BORCS5: variants seen among roughly 807,000 people sequenced by gnomAD.
The protein encoded by BORCS5 is BLOC-1-related complex subunit 5.
BORCS5 carries 17 observed loss-of-function variants against 22.1 expected under a neutral mutation model. That is an observed-to-expected ratio of 0.77 (90% CI 0.53 to 1.15). The LOEUF (loss-of-function observed/expected upper bound fraction) is 1.15. Among genes scored for constraint, BORCS5 ranks in the 50% most tolerant of loss-of-function variants. The pLI is 0.00. For synonymous variants in BORCS5, 117 were observed against 99.8 expected, an observed-to-expected ratio of 1.17 and a Z score of -1.03; for missense variants, 247 against 253.2, an observed-to-expected ratio of 0.98 and a Z score of 0.17.
In BORCS5 at chr12:12,385,752, C is replaced by T. The variant is rs140451452; in HGVS notation, c.202+24403C>T. On this transcript the variant is annotated intron_variant, in intron 2 of 3. Coordinates refer to ENST00000314565, the MANE Select transcript of BORCS5 (RefSeq NM_058169.6). ...CTCAAACTCCTGACCTCGTGATCCG[C>T]CTGCCTCGGCCTCCCCAAGTGTTGG... Among the ~76,000 whole-genome samples the T allele has an allele frequency of 5.9e-3, 892 of 151,376 alleles. 32 individuals are homozygous for T. The highest frequency in any genetic ancestry group is 0.019 in the African/African-American group (801 of 41,296).
Position 12,357,178 on chromosome 12 carries a change from G to A in BORCS5, c.-274G>A. ...TGCGGCAAAGCCAGTGTCATCTGCC[G>A]GTTCTCTTAGGGCTCCCGGAAAGAA... On this transcript the variant is annotated 5_prime_UTR_variant, in exon 1 of 4. Coordinates refer to ENST00000314565, the MANE Select transcript of BORCS5 (RefSeq NM_058169.6). 6.6e-7 allele frequency: 1 copy of A among 1,524,894 alleles called. No individual in the cohort carries two copies. Among genetic ancestry groups the A allele is most frequent in the Non-Finnish European group, 8.8e-7 (1 of 1,142,220 alleles). The allele number at this position is 1,524,894 out of a possible 1,614,324, so 94.5% of individuals were successfully genotyped here.
intron 3 of BORCS5, among the ~76,000 whole-genome samples, chr12:12,465,016 G>C (rs1386770744): frequency 6.6e-6 from 1 of 152,122 alleles, no homozygotes; most frequent in Admixed American, 6.5e-5. Context: ...GTGTCGCCCA[G>C]GCTGGAGTGC....
At position 12,392,671 on chromosome 12, in the gene BORCS5, GAA is replaced by G. The variant is rs1941226144; in HGVS notation, c.202+31325_202+31326del. On this transcript the variant is annotated intron_variant, in intron 2 of 3. Coordinates refer to ENST00000314565, the MANE Select transcript of BORCS5 (RefSeq NM_058169.6). ...GAGAATTAAATGTGAGACGCTGTCT[GAA>G]AAGTGCTTAGCTCACTGTGTGACGT... is the stretch of plus-strand genomic sequence containing the variant. 2.0e-5 allele frequency among the ~76,000 whole-genome samples: 3 copies of G among 152,136 alleles called. 1 individual carries two copies. The highest frequency in any genetic ancestry group is 7.2e-5 in the African/African-American group (3 of 41,388).
At chr12:12,385,197 G>C (rs1367749427) in intron 2 of BORCS5, among the ~76,000 whole-genome samples, 1 of 151,428 alleles carries the variant, frequency 6.6e-6, no homozygotes, top group Admixed American at 6.6e-5. Flanking sequence ...ACCCTTTCAG[G>C]TCTCTGCTGC....
chr12:12,443,774 GTT>G (rs963423921), intron 3 of BORCS5, among the ~76,000 whole-genome samples: 1 of 152,210 alleles, frequency 6.6e-6, no homozygotes, highest in African/African-American at 2.4e-5. Flanking sequence ...TTTCCCCCCA[GTT>G]TGCCTGCCCT....
chr12:12,372,502 C>T (rs1168711533), intron 2 of BORCS5, among the ~76,000 whole-genome samples: 1 of 152,150 alleles, frequency 6.6e-6, no homozygotes, highest in African/African-American at 2.4e-5. Context: ...TGCACCACCA[C>T]ACCTGGCCTG....
intron 2 of BORCS5, among the ~76,000 whole-genome samples, chr12:12,365,753 A>G (rs1565828476): frequency 2.0e-5 from 3 of 152,182 alleles, no homozygotes; most frequent in Non-Finnish European, 4.4e-5. Context: ...GCTTCTACAT[A>G]ATAGCTATTG....
At chr12:12,451,640 T>C (rs1425467492) in intron 3 of BORCS5, among the ~76,000 whole-genome samples, 5 of 152,176 alleles carry the variant, frequency 3.3e-5, no homozygotes, top group African/African-American at 1.2e-4. Flanking sequence ...TCCCAGCACT[T>C]TGGGAGGCCG....
intron 2 of BORCS5, among the ~76,000 whole-genome samples, chr12:12,362,672 C>CTTTTTTTTTTTTTTT (rs1419580319): frequency 2.2e-5 from 1 of 44,882 alleles, no homozygotes; most frequent in Admixed American, 3.9e-4. Context: ...TAGAGTTTTG[C>CTTTTTTTTTTTTTTT]TCTGTCACCC....
Position 12,466,053 on chromosome 12 carries a change from A to G in BORCS5, c.*277A>G. 2.9e-6 allele frequency: 1 copy of G among 341,572 alleles called. No individual in the cohort carries two copies. Among genetic ancestry groups the G allele is most frequent in the East Asian group, 4.9e-5 (1 of 20,252 alleles). 21.2% of individuals were successfully genotyped at this position (341,572 alleles called of 1,614,324 possible). A position where few individuals can be genotyped will look rare whatever the true frequency, so the allele number is the denominator to read the frequency against. Reference sequence around the variant, plus strand: ...TTCTTTGAAGAACTCTGCATTGAGAATTATTTTTATTTAGTTTTTTTTTTT... The same window carrying G: ...TTCTTTGAAGAACTCTGCATTGAGAGTTATTTTTATTTAGTTTTTTTTTTT... On this transcript the variant is annotated 3_prime_UTR_variant, in exon 4 of 4. Transcript: ENST00000314565.
intron 2 of BORCS5, among the ~76,000 whole-genome samples, chr12:12,389,520 T>G (rs1941114517): frequency 7.0e-6 from 1 of 142,400 alleles, no homozygotes; most frequent in Admixed American, 6.9e-5. Context: ...CCAACTGAAG[T>G]TATGTGATTC....
intron 2 of BORCS5, among the ~76,000 whole-genome samples, chr12:12,374,321 A>G (rs1181819075): frequency 6.6e-6 from 1 of 151,484 alleles, no homozygotes; most frequent in African/African-American, 2.4e-5. Flanking sequence ...AGTCTTCTAT[A>G]TATATTTTAA....
chr12:12,358,522 A>G (rs1863199796), intron 1 of BORCS5, among the ~76,000 whole-genome samples: 1 of 152,250 alleles, frequency 6.6e-6, no homozygotes, highest in African/African-American at 2.4e-5. Flanking sequence ...GAAATATAAT[A>G]ATTGCCACCT....
chr12:12,414,797 G>T (rs1400829335), intron 2 of BORCS5, among the ~76,000 whole-genome samples: 2 of 143,006 alleles, frequency 1.4e-5, no homozygotes, highest in East Asian at 4.1e-4. Flanking sequence ...CTCAGACGGG[G>T]CGGTTGCCAG....
At chr12:12,434,808 A>G (rs1412967712) in intron 2 of BORCS5, among the ~76,000 whole-genome samples, 1 of 152,194 alleles carries the variant, frequency 6.6e-6, no homozygotes, top group African/African-American at 2.4e-5. Flanking sequence ...ACTCACATAA[A>G]AGCTCTTTGG....
At chr12:12,401,145 A>G (rs1309699866) in intron 2 of BORCS5, among the ~76,000 whole-genome samples, 1 of 152,216 alleles carries the variant, frequency 6.6e-6, no homozygotes, top group East Asian at 1.9e-4. Context: ...TTGCACATGT[A>G]TGAGAGTTTT....
At chr12:12,455,852 T>G (rs1050683754) in intron 3 of BORCS5, among the ~76,000 whole-genome samples, 1 of 152,078 alleles carries the variant, frequency 6.6e-6, no homozygotes, top group Non-Finnish European at 1.5e-5. Context: ...CTTTTAAACT[T>G]AAGTATTTTG....
intron 2 of BORCS5, among the ~76,000 whole-genome samples, chr12:12,410,662 A>AT (rs1454713052): frequency 6.6e-6 from 1 of 152,196 alleles, no homozygotes; most frequent in Non-Finnish European, 1.5e-5. Context: ...AGGTAGTATG[A>AT]TGCCTCCAGC....
chr12:12,442,752 GC>G (rs1471198612), intron 3 of BORCS5, among the ~76,000 whole-genome samples: 1 of 152,128 alleles, frequency 6.6e-6, no homozygotes, highest in Non-Finnish European at 1.5e-5. Flanking sequence ...CTTATGTTCT[GC>G]CTCTTTGGAG....
Sources: gnomAD v4.1 joint callset for allele counts (sites outside exome capture counted in the v4.1 genomes callset) on GRCh38, gnomAD v4.1.1 for gene constraint, MANE v1.5 for transcripts, NCBI Gene and HGNC (gene_info 2026-07-23, HGNC 2026-07-21) for gene names.